NUMA1: variants seen among roughly 807,000 people sequenced by gnomAD.
NUMA1 encodes the protein nuclear mitotic apparatus protein 1.
NUMA1 carries 62 observed loss-of-function variants against 237.1 expected under a neutral mutation model. The ratio of observed to expected loss-of-function variants is 0.26; its 90% CI spans 0.21 to 0.32. NUMA1 has a LOEUF of 0.32. NUMA1 is among the 10% of genes least tolerant of loss of function. The pLI is 1.00. For synonymous variants in NUMA1, 1,028 were observed against 1,066.1 expected (o/e 0.96, Z 0.70); for missense variants, 2,533 against 2,666.5 (o/e 0.95, Z 1.10).
intron 21 of NUMA1, among the ~76,000 whole-genome samples, chr11:72,006,482 CA>C (rs931267083): frequency 6.6e-6 from 1 of 152,152 alleles, no homozygotes; most frequent in African/African-American, 2.4e-5. Flanking sequence ...GCATTTTTTT[CA>C]TGGAGTCTAT....
At chr11:72,063,333 G>T (rs980651864) in intron 2 of NUMA1, among the ~76,000 whole-genome samples, 1 of 152,144 alleles carries the variant, frequency 6.6e-6, no homozygotes, top group Non-Finnish European at 1.5e-5. Flanking sequence ...GTGGTGAGCT[G>T]TGATCATACC....
At chr11:72,045,603 G>A (rs769002133) in intron 2 of NUMA1, among the ~76,000 whole-genome samples, 40 of 151,928 alleles carry the variant, frequency 2.6e-4, no homozygotes, top group East Asian at 1.2e-3. Context: ...CTCAGCCTCC[G>A]GAGTAGTTGG....
intron 2 of NUMA1, among the ~76,000 whole-genome samples, chr11:72,050,016 TA>T (rs1942252331): frequency 6.6e-6 from 1 of 152,172 alleles, no homozygotes; most frequent in African/African-American, 2.4e-5. Context: ...GTTACCCTAT[TA>T]GGACCCATCC....
rs34806999 is a variant in NUMA1 at position 72,043,528 on chromosome 11, A to ATT, written c.-32-7555_-32-7554dup. On this transcript the variant is annotated intron_variant, in intron 2 of 26. Coordinates refer to ENST00000393695, the MANE Select transcript of NUMA1 (RefSeq NM_006185.4). ...AGGTGTGTGCCACCATGCCTGGCTA[A>ATT]TTTTTTTTTTTTTTTTTTTCTGTAG... Among the ~76,000 whole-genome samples the ATT allele has an allele frequency of 3.2e-3, 400 of 123,110 alleles. 7 individuals are homozygous for ATT. The highest frequency in any genetic ancestry group is 0.011 in the East Asian group (46 of 4,202). 80.8% of individuals were successfully genotyped at this position (123,110 alleles called of 152,430 possible). A position where few individuals can be genotyped will look rare whatever the true frequency, so the allele number is the denominator to read the frequency against.
chr11:72,031,236 G>A (rs529931341), intron 3 of NUMA1, among the ~76,000 whole-genome samples: 38 of 151,792 alleles, frequency 2.5e-4, no homozygotes, highest in Non-Finnish European at 4.9e-4. Context: ...AGGAGCTGGA[G>A]AAGTTACAAT....
At chr11:72,003,809 A>G (rs1474010054) in intron 26 of NUMA1, 78 bp downstream of exon 26, 24 of 1,470,568 alleles carry the variant, frequency 1.6e-5, no homozygotes, top group Non-Finnish European at 2.2e-5. Flanking sequence ...CCCATCTTGG[A>G]TGCTACTTGG....
chr11:72,071,770 TAGAC>T (rs1314241974), intron 1 of NUMA1, among the ~76,000 whole-genome samples: 2 of 152,154 alleles, frequency 1.3e-5, no homozygotes, highest in Non-Finnish European at 2.9e-5. Flanking sequence ...GAAGGATAAA[TAGAC>T]AGCAAATTTG....
At chr11:72,033,364 GTTTTTTTTT>G (rs58353057) in intron 3 of NUMA1, among the ~76,000 whole-genome samples, 2,686 of 144,522 alleles carry the variant, frequency 0.019, 64 homozygotes, top group African/African-American at 0.059. Context: ...CATGTTCTTT[GTTTTTTTTT>G]TTTTTTTTTT....
In NUMA1 at chr11:72,003,219, G is replaced by A. The variant is rs570952512; in HGVS notation, c.*308C>T. The A allele has an allele frequency of 6.5e-6, 3 of 461,684 alleles. No homozygotes were observed. Among genetic ancestry groups the A allele is most frequent in the African/African-American group, 3.9e-5 (2 of 51,526 alleles). 28.6% of individuals were successfully genotyped at this position (461,684 alleles called of 1,614,324 possible). ...AAGAGGAAGACTGGCCAGGCCCAAG[G>A]ACCCAGCCATCAAAACCAGCCTCAA... On this transcript the variant is annotated 3_prime_UTR_variant, in exon 27 of 27. Coordinates refer to ENST00000393695, the MANE Select transcript of NUMA1 (RefSeq NM_006185.4).
intron 2 of NUMA1, among the ~76,000 whole-genome samples, chr11:72,053,348 T>C (rs1475761924): frequency 6.6e-6 from 1 of 152,230 alleles, no homozygotes; most frequent in Admixed American, 6.5e-5. Flanking sequence ...TGCCTTAAGT[T>C]CCATGAAATC....
chr11:72,038,683 T>C (rs1489840202), intron 2 of NUMA1, among the ~76,000 whole-genome samples: 1 of 150,804 alleles, frequency 6.6e-6, no homozygotes, highest in East Asian at 2.0e-4. Context: ...CCCAGTACAC[T>C]GGGTGATGCT....
intron 2 of NUMA1, among the ~76,000 whole-genome samples, chr11:72,060,053 T>C (rs559012812): frequency 6.6e-6 from 1 of 152,218 alleles, no homozygotes; most frequent in African/African-American, 2.4e-5. Flanking sequence ...GGTTCAGAGA[T>C]GCTAGAGTGA....
chr11:72,044,183 C>CA (rs144806679), intron 2 of NUMA1, among the ~76,000 whole-genome samples: 3,470 of 152,262 alleles, frequency 0.023, 129 homozygotes, highest in African/African-American at 0.079. Context: ...GTCTCTACCA[C>CA]ATGCTGCTAA....
intron 1 of NUMA1, among the ~76,000 whole-genome samples, chr11:72,072,769 C>G (rs1943511671): frequency 6.6e-6 from 1 of 152,140 alleles, no homozygotes; most frequent in Non-Finnish European, 1.5e-5. Flanking sequence ...AAAACTATTC[C>G]CCTGGCCAGG....
intron 1 of NUMA1, among the ~76,000 whole-genome samples, chr11:72,075,034 A>AAAATAAATAAAT (rs35313309): frequency 0.016 from 2,376 of 148,414 alleles, 63 homozygotes; most frequent in African/African-American, 0.056. Flanking sequence ...ACTCCATCTC[A>AAAATAAATAAAT]AAATAAATAA....
intron 3 of NUMA1, among the ~76,000 whole-genome samples, 199 bp downstream of exon 3, chr11:72,035,703 C>T (rs550950521): frequency 1.2e-4 from 19 of 152,204 alleles, no homozygotes; most frequent in Admixed American, 9.2e-4. Flanking sequence ...AAGCTCCGCA[C>T]CCGGCCCACA....
At chr11:72,044,907 C>A (rs1941907825) in intron 2 of NUMA1, among the ~76,000 whole-genome samples, 1 of 152,044 alleles carries the variant, frequency 6.6e-6, no homozygotes, top group Admixed American at 6.6e-5. Flanking sequence ...ACCTCGTGAT[C>A]CGCCTGCCTC....
In NUMA1 at chr11:72,003,400, T is replaced by C. The variant is rs1955394735; in HGVS notation, c.*127A>G. ...AGGCCAGGGTGCGGGCAGGCATCAC[T>C]GTCTCTAGGGGTTTGGCTACTGTTG... On this transcript the variant is annotated 3_prime_UTR_variant, in exon 27 of 27. Coordinates refer to ENST00000393695, the MANE Select transcript of NUMA1 (RefSeq NM_006185.4). 3.2e-6 allele frequency: 3 copies of C among 925,978 alleles called. No individual in the cohort carries two copies. Among genetic ancestry groups the C allele is most frequent in the Non-Finnish European group, 5.3e-6 (3 of 562,564 alleles). The allele number at this position is 925,978 out of a possible 1,614,324, so 57.4% of individuals were successfully genotyped here. A position where few individuals can be genotyped will look rare whatever the true frequency, so the allele number is the denominator to read the frequency against.
At chr11:72,025,584 A>G (rs1440829506) in intron 4 of NUMA1, among the ~76,000 whole-genome samples, 2 of 152,196 alleles carry the variant, frequency 1.3e-5, no homozygotes, top group Non-Finnish European at 2.9e-5. Flanking sequence ...TCTCTAGGCT[A>G]CAGTGGGAGA....
Sources: allele counts gnomAD v4.1 joint callset (sites outside exome capture counted in the v4.1 genomes callset), GRCh38; gene constraint gnomAD v4.1.1; transcripts MANE v1.5; gene names NCBI Gene and HGNC (gene_info 2026-07-23, HGNC 2026-07-21).